ETS1: variants seen among roughly 807,000 people sequenced by gnomAD.
The protein encoded by ETS1 is ETS proto-oncogene 1, transcription factor.
Under a neutral mutation model 58.6 loss-of-function variants are expected in ETS1, and 15 were observed. That is an observed-to-expected ratio of 0.26 (90% CI 0.17 to 0.39). ETS1 has a LOEUF of 0.39. ETS1 is among the 10% of genes least tolerant of loss of function. ETS1 has a pLI of 1.00. For synonymous variants in ETS1, 214 were observed against 218.2 expected (o/e 0.98, Z 0.17); for missense variants, 417 against 610.5 (o/e 0.68, Z 3.34).
chr11:128,575,581 A>G (rs1039732569), intron 1 of ETS1, among the ~76,000 whole-genome samples: 1 of 152,224 alleles, frequency 6.6e-6, no homozygotes, highest in African/African-American at 2.4e-5. Flanking sequence ...CGGCCCTTAG[A>G]TTCTATCAGA....
At chr11:128,573,255 A>C (rs1864675591) in intron 1 of ETS1, 111 bp from the exon 2 acceptor site, 2 of 711,734 alleles carry the variant, frequency 2.8e-6, no homozygotes, top group Non-Finnish European at 4.8e-6. Context: ...GGAGCCAACC[A>C]GTTCACTTCT....
chr11:128,549,527 T>C lies in ETS1; in HGVS notation c.214+6764A>G, dbSNP rs973357375. Among the ~76,000 whole-genome samples, 2 of 152,044 alleles carry C rather than the reference T, an allele frequency of 1.3e-5. No homozygotes were observed. The highest frequency in any genetic ancestry group is 2.4e-5 in the African/African-American group (1 of 41,408). ...GTGGTTTGAAAAAGTTGAGAGAACG[T>C]TTTTTCTCTCCGCAGCCCCCTGGGA... On this transcript the variant is annotated intron_variant, in intron 3 of 9. Coordinates refer to ENST00000392668, the MANE Select transcript of ETS1 (RefSeq NM_001143820.2). This position sits in a 1 kb window ranked among gnomAD's most constrained non-coding sequence, Gnocchi z 4.3.
intron 8 of ETS1, among the ~76,000 whole-genome samples, chr11:128,467,639 A>G (rs1242863148): frequency 6.6e-6 from 1 of 152,084 alleles, no homozygotes; most frequent in Non-Finnish European, 1.5e-5. Context: ...AAACGGTACT[A>G]ATAATAGCGC....
chr11:128,583,286 A>G, intron 1 of ETS1, among the ~76,000 whole-genome samples: 1 of 152,256 alleles, frequency 6.6e-6, no homozygotes, highest in East Asian at 1.9e-4. Context: ...TGGTAACCTC[A>G]GGTGCAATAC....
At chr11:128,476,946 C>T (rs1174031929) in intron 8 of ETS1, among the ~76,000 whole-genome samples, 1 of 152,236 alleles carries the variant, frequency 6.6e-6, no homozygotes, top group Non-Finnish European at 1.5e-5. Flanking sequence ...TAACAAGTTG[C>T]TATGGGAGCC....
chr11:128,531,204 T>A lies in ETS1; in HGVS notation c.214+25087A>T, dbSNP rs140048348. Reference sequence around the variant, plus strand: ...ATAGACGAGAGTTTGAATTTTAGCTTGGCTGCTCTCCAGATGTCAGTCTTT... The same window carrying A: ...ATAGACGAGAGTTTGAATTTTAGCTAGGCTGCTCTCCAGATGTCAGTCTTT... On this transcript the variant is annotated intron_variant, in intron 3 of 9. Coordinates refer to ENST00000392668, the MANE Select transcript of ETS1 (RefSeq NM_001143820.2). Among the ~76,000 whole-genome samples, 38 of 152,308 alleles carry A rather than the reference T, an allele frequency of 2.5e-4. No individual in the cohort carries two copies. The East Asian group carries it at 5.4e-3, about 22-fold the overall frequency.
Position 128,586,662 on chromosome 11 carries a change from T to A in ETS1, c.-15+826A>T, listed in dbSNP as rs115998416. Among the ~76,000 whole-genome samples the A allele has an allele frequency of 4.2e-3, 646 of 152,332 alleles. 4 individuals are homozygous for A. Among genetic ancestry groups the A allele is most frequent in the African/African-American group, 0.015 (613 of 41,576 alleles). The stretch of plus-strand genomic sequence containing the variant: ...TACCCAAAAGGTGATAAAGAAATCC[T>A]GCAATAGAATGCATTGATTTCAGTG... On this transcript the variant is annotated intron_variant, in intron 1 of 9. Coordinates refer to ENST00000392668, the MANE Select transcript of ETS1 (RefSeq NM_001143820.2).
chr11:128,509,550 A>ATTTT (rs59753000), intron 3 of ETS1, among the ~76,000 whole-genome samples: 2 of 95,102 alleles, frequency 2.1e-5, no homozygotes, highest in African/African-American at 8.5e-5. Context: ...TCAGGTGAAA[A>ATTTT]TTTTTTTTTT....
chr11:128,478,072 G>C (rs1316218544), intron 8 of ETS1, among the ~76,000 whole-genome samples: 1 of 152,190 alleles, frequency 6.6e-6, no homozygotes, highest in African/African-American at 2.4e-5. Flanking sequence ...ACATGAGATA[G>C]TATGAAAAGT....
intron 3 of ETS1, among the ~76,000 whole-genome samples, chr11:128,499,181 T>C (rs1301777317): frequency 1.3e-5 from 2 of 152,202 alleles, no homozygotes; most frequent in Admixed American, 6.5e-5. Context: ...AGGAAGACAA[T>C]GGAGAATATC....
intron 4 of ETS1, 30 bp from the exon 5 acceptor site, chr11:128,489,520 C>G: frequency 6.3e-7 from 1 of 1,599,980 alleles, no homozygotes. Flanking sequence ...GAAGATCCAG[C>G]AGGTCGGGCT....
chr11:128,564,780 G>C (rs1864462702), intron 2 of ETS1, among the ~76,000 whole-genome samples: 1 of 151,382 alleles, frequency 6.6e-6, no homozygotes, highest in Non-Finnish European at 1.5e-5. Flanking sequence ...GACAGCTTTA[G>C]GCATCTTGTG....
At chr11:128,524,905 C>T (rs1372989585) in intron 3 of ETS1, among the ~76,000 whole-genome samples, 2 of 152,108 alleles carry the variant, frequency 1.3e-5, no homozygotes. Context: ...CCCCAGCACT[C>T]ACGTCCACTC....
intron 8 of ETS1, among the ~76,000 whole-genome samples, chr11:128,469,421 C>T (rs1305583238): frequency 1.3e-5 from 2 of 152,164 alleles, no homozygotes; most frequent in African/African-American, 2.4e-5. Context: ...ACAGAACATT[C>T]GAATCCAGAA....
chr11:128,513,970 C>T (rs577735303), intron 3 of ETS1, among the ~76,000 whole-genome samples: 15 of 152,244 alleles, frequency 9.9e-5, no homozygotes, highest in African/African-American at 3.1e-4. Flanking sequence ...CAACTCTAAA[C>T]GCATCACACA....
chr11:128,494,304 T>A (rs1235300663), intron 3 of ETS1, among the ~76,000 whole-genome samples: 3 of 152,242 alleles, frequency 2.0e-5, no homozygotes, highest in African/African-American at 7.2e-5. Flanking sequence ...TCCTGCCCAC[T>A]GATTATTCCT....
Position 128,463,645 on chromosome 11 carries a change from T to A in ETS1, c.1124-18A>T. ...TCCACTGCCTAGAAACACAAGCCAT[T>A]GTGAATCATTACACCAGATATTCAG... On this transcript the variant is annotated intron_variant, in intron 8 of 9. Coordinates refer to ENST00000392668, the MANE Select transcript of ETS1 (RefSeq NM_001143820.2). This position sits in a 1 kb window ranked among gnomAD's most constrained non-coding sequence, Gnocchi z 4.1. The A allele has an allele frequency of 7.4e-7, 1 of 1,351,922 alleles. No homozygotes were observed. Among genetic ancestry groups the A allele is most frequent in the South Asian group, 1.2e-5 (1 of 85,930 alleles). 83.7% of individuals were successfully genotyped at this position (1,351,922 alleles called of 1,614,324 possible).
In ETS1 at chr11:128,462,320, T is replaced by C; in HGVS notation, c.*41A>G. 2 of 1,482,630 alleles carry C rather than the reference T, an allele frequency of 1.3e-6. No individual in the cohort carries two copies. Among genetic ancestry groups the C allele is most frequent in the Non-Finnish European group, 1.9e-6 (2 of 1,063,810 alleles). The allele number at this position is 1,482,630 out of a possible 1,614,324, so 91.8% of individuals were successfully genotyped here. A position where few individuals can be genotyped will look rare whatever the true frequency, so the allele number is the denominator to read the frequency against. On this transcript the variant is annotated 3_prime_UTR_variant, in exon 10 of 10. Transcript: ENST00000392668. ...AGAGTCCAACCAACACGGCTGTCCTTGGAAGGTCTCAGCAGGGTTTCCCCA... is the reference window on the plus strand; with the variant it reads ...AGAGTCCAACCAACACGGCTGTCCTCGGAAGGTCTCAGCAGGGTTTCCCCA...
At chr11:128,557,398 T>C (rs1864329397) in intron 2 of ETS1, among the ~76,000 whole-genome samples, 1 of 152,202 alleles carries the variant, frequency 6.6e-6, no homozygotes, top group African/African-American at 2.4e-5. Context: ...AATGAAATAA[T>C]GTATGAGAAA....
Sources: gnomAD v4.1 joint callset for allele counts (sites outside exome capture counted in the v4.1 genomes callset) on GRCh38, gnomAD v4.1.1 for gene constraint, Gnocchi (gnomAD v3.1) non-coding constraint, MANE v1.5 for transcripts, NCBI Gene and HGNC (gene_info 2026-07-23, HGNC 2026-07-21) for gene names.